MAGI2: variants seen among roughly 807,000 people sequenced by gnomAD.
The protein encoded by MAGI2 is membrane associated guanylate kinase, WW and PDZ domain containing 2, also known as membrane-associated guanylate kinase, WW and PDZ domain-containing protein 2.
A neutral mutation model predicts 133.3 loss-of-function variants in MAGI2; 35 were observed. That is an observed-to-expected ratio of 0.26 (90% CI 0.20 to 0.35). The LOEUF is 0.35. MAGI2 is among the 10% of genes least tolerant of loss of function. MAGI2 has a pLI of 1.00. For missense variants in MAGI2, 1,636 were observed against 1,863.4 expected (o/e 0.88, Z 2.25); for synonymous variants, 729 against 710.6 (o/e 1.03, Z -0.41).
intron 1 of MAGI2, among the ~76,000 whole-genome samples, chr7:79,342,640 T>C (rs1429609687): frequency 6.6e-6 from 1 of 152,216 alleles, no homozygotes; most frequent in Admixed American, 6.5e-5. Context: ...GTACCACATA[T>C]TATTTTGCTT....
At chr7:78,701,643 CTTTCTTCCT>C (rs1375173523) in intron 2 of MAGI2, among the ~76,000 whole-genome samples, 6 of 151,916 alleles carry the variant, frequency 3.9e-5, no homozygotes, top group African/African-American at 1.2e-4. Context: ...TTTTCCTTTT[CTTTCTTCCT>C]TTTCTTCCTT....
chr7:78,216,406 C>T (rs952327414), intron 10 of MAGI2, among the ~76,000 whole-genome samples: 3 of 152,222 alleles, frequency 2.0e-5, no homozygotes, highest in African/African-American at 7.2e-5. Flanking sequence ...GATCATGTCA[C>T]TCATCTACTT....
chr7:78,417,375 G>A (rs1198930313), intron 6 of MAGI2, among the ~76,000 whole-genome samples: 6 of 151,486 alleles, frequency 4.0e-5, no homozygotes, highest in East Asian at 3.9e-4. Context: ...GTGGGAGGCC[G>A]GGGGGAAGGA....
At chr7:78,185,742 T>C (rs1827628824) in intron 12 of MAGI2, 72 bp from the exon 13 acceptor site, 2 of 1,245,826 alleles carry the variant, frequency 1.6e-6, no homozygotes, top group East Asian at 4.7e-5. Context: ...TACTTTCTTT[T>C]TGTTGCTATC....
intron 2 of MAGI2, among the ~76,000 whole-genome samples, chr7:78,981,555 A>T (rs1045789897): frequency 9.2e-5 from 14 of 151,886 alleles, no homozygotes; most frequent in Non-Finnish European, 1.9e-4. Flanking sequence ...ATCATTTTAT[A>T]TCTTTCAGAT....
intron 1 of MAGI2, among the ~76,000 whole-genome samples, chr7:79,316,274 C>G (rs566944543): frequency 1.3e-5 from 2 of 152,184 alleles, no homozygotes; most frequent in African/African-American, 4.8e-5. Context: ...ACCACCCCCC[C>G]ACTCCAAGTT....
At chr7:79,017,462 CA>C in intron 1 of MAGI2, among the ~76,000 whole-genome samples, 1 of 152,214 alleles carries the variant, frequency 6.6e-6, no homozygotes, top group East Asian at 1.9e-4. Flanking sequence ...AAAACTGAAG[CA>C]ACATCAGCCC....
chr7:78,823,385 T>C (rs113251606), intron 2 of MAGI2, among the ~76,000 whole-genome samples: 24,501 of 151,750 alleles, frequency 0.16, 2,590 homozygotes, highest in African/African-American at 0.3. Context: ...AGATCGAGAC[T>C]ATCCTGGCTA....
At chr7:78,910,163 A>G (rs1798301643) in intron 2 of MAGI2, among the ~76,000 whole-genome samples, 1 of 151,830 alleles carries the variant, frequency 6.6e-6, no homozygotes, top group African/African-American at 2.4e-5. Context: ...GAGGGAACCT[A>G]GATTATGGGT....
chr7:79,447,635 A>G (rs941636427), intron 1 of MAGI2, among the ~76,000 whole-genome samples: 2 of 152,014 alleles, frequency 1.3e-5, no homozygotes, highest in African/African-American at 4.8e-5. Flanking sequence ...CATACAAAGT[A>G]TGAAAATACT....
intron 2 of MAGI2, among the ~76,000 whole-genome samples, chr7:78,969,613 G>A (rs914334639): frequency 2.0e-5 from 3 of 151,936 alleles, no homozygotes; most frequent in Admixed American, 2.0e-4. Flanking sequence ...GCAGTTTATA[G>A]CCAAAAACAT....
chr7:78,322,056 A>C (rs1351087083), intron 9 of MAGI2, among the ~76,000 whole-genome samples: 1 of 152,352 alleles, frequency 6.6e-6, no homozygotes, highest in East Asian at 1.9e-4. Context: ...CAAAACCACA[A>C]TCAGATACCC....
At chr7:78,759,568 C>T (rs1442821307) in intron 2 of MAGI2, among the ~76,000 whole-genome samples, 1 of 151,970 alleles carries the variant, frequency 6.6e-6, no homozygotes, top group Non-Finnish European at 1.5e-5. Context: ...TTTAATGTGA[C>T]AATGTTCATT....
chr7:78,740,847 A>G (rs1286316496), intron 2 of MAGI2, among the ~76,000 whole-genome samples: 5 of 152,340 alleles, frequency 3.3e-5, no homozygotes, highest in South Asian at 4.1e-4. Flanking sequence ...CATTTTCTCA[A>G]AAGTTTTTAG....
At chr7:79,169,555 G>A (rs541965194) in intron 1 of MAGI2, among the ~76,000 whole-genome samples, 9 of 152,166 alleles carry the variant, frequency 5.9e-5, no homozygotes, top group Non-Finnish European at 1.0e-4. Flanking sequence ...ATGGTCACAC[G>A]CTCAGCCACC....
intron 1 of MAGI2, among the ~76,000 whole-genome samples, chr7:79,385,671 G>T (rs1256886136): frequency 6.6e-6 from 1 of 151,828 alleles, no homozygotes; most frequent in African/African-American, 2.4e-5. Flanking sequence ...ATGAAAGAGT[G>T]GTTATCACAG....
chr7:78,777,107 G>T (rs1826045459), intron 2 of MAGI2, among the ~76,000 whole-genome samples: 2 of 152,106 alleles, frequency 1.3e-5, no homozygotes. Flanking sequence ...TTATATGTGG[G>T]TGCATGTATA....
chr7:78,070,560 G>T (rs1364799903), intron 21 of MAGI2, among the ~76,000 whole-genome samples: 2 of 100,514 alleles, frequency 2.0e-5, no homozygotes, highest in Non-Finnish European at 4.1e-5. Flanking sequence ...GTGTATATAT[G>T]TATATATATG....
At chr7:78,252,970 G>A (rs1792579745) in intron 10 of MAGI2, 1 of 146,250 alleles carries the variant, frequency 6.8e-6, no homozygotes, top group Non-Finnish European at 1.5e-5. Flanking sequence ...ACAATGGGCA[G>A]CTATTGGAAA....
Sources: allele counts gnomAD v4.1 joint callset (sites outside exome capture counted in the v4.1 genomes callset), GRCh38; gene constraint gnomAD v4.1.1; transcripts MANE v1.5; gene names NCBI Gene and HGNC (gene_info 2026-07-23, HGNC 2026-07-21).